TRPC6: variants seen among roughly 807,000 people sequenced by gnomAD.
The protein encoded by TRPC6 is short transient receptor potential channel 6.
TRPC6 carries 55 observed loss-of-function variants against 90.7 expected under a neutral mutation model. That is an observed-to-expected ratio of 0.61 (90% CI 0.49 to 0.76). The LOEUF (loss-of-function observed/expected upper bound fraction) is 0.76, where lower values mean the gene tolerates loss of function less well. TRPC6 is among the 30% of genes least tolerant of loss of function. The pLI, the probability that TRPC6 is intolerant of heterozygous loss-of-function variation, is 0.00. For synonymous variants in TRPC6, 393 were observed against 393.0 expected (o/e 1.00, Z 0.00); for missense variants, 989 against 1,122.7 (o/e 0.88, Z 1.70).
intron 1 of TRPC6, among the ~76,000 whole-genome samples, chr11:101,572,774 C>T (rs756463531): frequency 2.4e-4 from 36 of 152,218 alleles, no homozygotes; most frequent in African/African-American, 8.7e-4. Context: ...AACCAAACAC[C>T]GCATGTTCTC....
chr11:101,560,298 T>A (rs1469551117), intron 1 of TRPC6, among the ~76,000 whole-genome samples: 3 of 147,566 alleles, frequency 2.0e-5, no homozygotes, highest in Non-Finnish European at 4.5e-5. Flanking sequence ...GGCTTCTCTT[T>A]AAAAAAAAAA....
Position 101,583,214 on chromosome 11 carries a change from G to A in TRPC6, c.170+120C>T, listed in dbSNP as rs896115316. 16 of 1,465,834 alleles carry A rather than the reference G, an allele frequency of 1.1e-5. No homozygotes were observed. The Admixed American group carries it at 2.6e-4, about 24-fold the overall frequency. 90.8% of individuals were successfully genotyped at this position (1,465,834 alleles called of 1,614,324 possible). On this transcript the variant is annotated intron_variant, in intron 1 of 12. Transcript: ENST00000344327. ...TGGCTCTCGCGGACCTCCCAGCACCGTCCTAGGAGGTACACACGCGGGTTC... is the reference window on the plus strand; with the variant it reads ...TGGCTCTCGCGGACCTCCCAGCACCATCCTAGGAGGTACACACGCGGGTTC...
chr11:101,557,982 A>G (rs1281339284), intron 1 of TRPC6, among the ~76,000 whole-genome samples: 1 of 152,130 alleles, frequency 6.6e-6, no homozygotes, highest in African/African-American at 2.4e-5. Context: ...ATTCAATGCA[A>G]TCCTTTTCAA....
chr11:101,557,693 A>T (rs1861591575), intron 1 of TRPC6, among the ~76,000 whole-genome samples: 1 of 152,170 alleles, frequency 6.6e-6, no homozygotes, highest in Non-Finnish European at 1.5e-5. Flanking sequence ...CAACACAGAA[A>T]AATCAGTAAC....
chr11:101,491,538 C>T lies in TRPC6; in HGVS notation c.1128+18G>A, dbSNP rs201912354. The T allele has an allele frequency of 1.2e-6, 2 of 1,613,040 alleles. No homozygotes were observed. The highest frequency in any genetic ancestry group is 1.7e-6 in the Non-Finnish European group (2 of 1,179,534). On this transcript the variant is annotated intron_variant, in intron 3 of 12. Transcript: ENST00000344327. ...CAAGAACCAAAATAATGTAAACGGG[C>T]TTCACGCCTGACCTTACTTTTTTTA...
At chr11:101,571,414 G>A (rs992855174) in intron 1 of TRPC6, among the ~76,000 whole-genome samples, 9 of 152,146 alleles carry the variant, frequency 5.9e-5, no homozygotes, top group African/African-American at 1.9e-4. Flanking sequence ...TGGACAGAAA[G>A]AATCAATATT....
intron 1 of TRPC6, among the ~76,000 whole-genome samples, chr11:101,517,642 G>T (rs1021974129): frequency 2.0e-5 from 3 of 152,122 alleles, no homozygotes; most frequent in Non-Finnish European, 2.9e-5. Flanking sequence ...TTCCAGAAGG[G>T]TATTTAAAAT....
intron 5 of TRPC6, among the ~76,000 whole-genome samples, chr11:101,481,214 T>C (rs1461204159): frequency 6.6e-6 from 1 of 152,162 alleles, no homozygotes; most frequent in Admixed American, 6.5e-5. Context: ...TCAGTGCTTC[T>C]CCAGGTCCCT....
At position 101,492,333 on chromosome 11, in the gene TRPC6, C is replaced by T. The variant is rs143962924; in HGVS notation, c.946-595G>A. Among the ~76,000 whole-genome samples the T allele has an allele frequency of 4.2e-3, 639 of 152,180 alleles. 3 individuals are homozygous for T. The highest frequency in any genetic ancestry group is 0.015 in the African/African-American group (611 of 41,516). Reference sequence around the variant, plus strand: ...GTGTGTTGGCTCCCGCCTGTAATCCCCTCACTTTGGGAGGCTGAAGTTGGC... The same window carrying T: ...GTGTGTTGGCTCCCGCCTGTAATCCTCTCACTTTGGGAGGCTGAAGTTGGC... On this transcript the variant is annotated intron_variant, in intron 2 of 12. Coordinates refer to ENST00000344327, the MANE Select transcript of TRPC6 (RefSeq NM_004621.6).
intron 2 of TRPC6, among the ~76,000 whole-genome samples, chr11:101,500,226 T>TTTTG (rs1860083675): frequency 6.7e-6 from 1 of 150,034 alleles, no homozygotes; most frequent in African/African-American, 2.4e-5. Context: ...TTTTTTTTTT[T>TTTTG]GAGACGGAGT....
intron 1 of TRPC6, among the ~76,000 whole-genome samples, chr11:101,512,766 GTTTC>G (rs941815457): frequency 4.6e-5 from 7 of 152,104 alleles, no homozygotes; most frequent in African/African-American, 1.7e-4. Context: ...ATATTAAAAA[GTTTC>G]TTTGTAATAC....
intron 2 of TRPC6, among the ~76,000 whole-genome samples, chr11:101,493,967 G>A (rs1319658357): frequency 2.0e-5 from 3 of 152,100 alleles, no homozygotes; most frequent in African/African-American, 7.2e-5. Context: ...TAAACTGCAG[G>A]TCCAAAAAGA....
At chr11:101,552,738 C>A (rs937015005) in intron 1 of TRPC6, among the ~76,000 whole-genome samples, 34 of 152,060 alleles carry the variant, frequency 2.2e-4, no homozygotes, top group African/African-American at 7.2e-4. Flanking sequence ...CTCTATAATT[C>A]CTACATTATT....
intron 1 of TRPC6, among the ~76,000 whole-genome samples, chr11:101,552,977 T>C (rs1861481204): frequency 6.6e-6 from 1 of 152,124 alleles, no homozygotes; most frequent in Non-Finnish European, 1.5e-5. Context: ...AGATAACGGC[T>C]GAGAAATATG....
chr11:101,507,899 G>A (rs1565223177), intron 1 of TRPC6, among the ~76,000 whole-genome samples: 1 of 151,762 alleles, frequency 6.6e-6, no homozygotes, highest in Non-Finnish European at 1.5e-5. Flanking sequence ...ACCATTTCTG[G>A]AACTCCTTCT....
chr11:101,485,994 T>C lies in TRPC6; in HGVS notation c.1294-2829A>G, dbSNP rs1312408166. 2.6e-5 allele frequency among the ~76,000 whole-genome samples: 4 copies of C among 152,138 alleles called. No individual in the cohort carries two copies. The South Asian group carries it at 6.2e-4, about 24-fold the overall frequency. ...CCTTTATGTAACACTACTCTTCCTT[T>C]ATTTTATTCTAAAGGGAGTATCAAT... On this transcript the variant is annotated intron_variant, in intron 4 of 12. Coordinates refer to ENST00000344327, the MANE Select transcript of TRPC6 (RefSeq NM_004621.6).
chr11:101,554,841 T>C (rs994591360), intron 1 of TRPC6, among the ~76,000 whole-genome samples: 4 of 152,132 alleles, frequency 2.6e-5, no homozygotes, highest in African/African-American at 7.2e-5. Flanking sequence ...CCAGCCCTAT[T>C]TCCTTGCCCT....
intron 1 of TRPC6, among the ~76,000 whole-genome samples, chr11:101,543,361 G>A (rs1861219927): frequency 6.6e-6 from 1 of 152,052 alleles, no homozygotes; most frequent in African/African-American, 2.4e-5. Context: ...AGACAAATTG[G>A]AAAAAACTAC....
rs566062684 is a variant in TRPC6, at chr11:101,568,498, A to G, written c.170+14836T>C. On this transcript the variant is annotated intron_variant, in intron 1 of 12. Coordinates refer to ENST00000344327, the MANE Select transcript of TRPC6 (RefSeq NM_004621.6). ...GCAAGGCAGGCCAACATTCAAATTC[A>G]GGAAATACAGAGAATACCACAAAGG... Among the ~76,000 whole-genome samples, 347 of 152,354 alleles carry G rather than the reference A, an allele frequency of 2.3e-3. 1 individual carries two copies. Among genetic ancestry groups the G allele is most frequent in the South Asian group, 0.016 (77 of 4,832 alleles).
Sources: gnomAD v4.1 joint callset for allele counts (sites outside exome capture counted in the v4.1 genomes callset) on GRCh38, gnomAD v4.1.1 for gene constraint, MANE v1.5 for transcripts, NCBI Gene and HGNC (gene_info 2026-07-23, HGNC 2026-07-21) for gene names.